Variants in CWH43 observed in about 807,000 individuals in gnomAD.
CWH43 encodes cell wall biogenesis 43 C-terminal homolog.
A neutral mutation model predicts 85.7 loss-of-function variants in CWH43; 91 were observed. The observed-to-expected ratio is 1.06, with a 90% CI of 0.90 to 1.26. The LOEUF is 1.26. Ranked by LOEUF, CWH43 falls within the 50% of genes most tolerant of loss-of-function variation. CWH43 has a pLI of 0.00. For missense variants in CWH43, 869 were observed against 839.2 expected, an observed-to-expected ratio of 1.04 and a Z score of -0.44; for synonymous variants, 323 against 293.6, an observed-to-expected ratio of 1.10 and a Z score of -1.02.
intron 15 of CWH43, among the ~76,000 whole-genome samples, chr4:49,060,843 A>G (rs1201828528): frequency 1.3e-5 from 2 of 152,186 alleles, no homozygotes; most frequent in African/African-American, 4.8e-5. Context: ...ATATATATCT[A>G]TACATCACAC....
intron 8 of CWH43, among the ~76,000 whole-genome samples, chr4:49,016,439 G>A (rs547194703): frequency 1.3e-5 from 2 of 152,148 alleles, no homozygotes; most frequent in African/African-American, 4.8e-5. Flanking sequence ...GCCTTCACTG[G>A]GGCCTAGGGG....
At chr4:49,036,967 C>T (rs1474539670) in intron 12 of CWH43, among the ~76,000 whole-genome samples, 3 of 152,144 alleles carry the variant, frequency 2.0e-5, no homozygotes, top group Admixed American at 6.6e-5. Flanking sequence ...TCTTGTTTTC[C>T]CTGTAGCTGT....
At chr4:49,015,504 C>T (rs1401404359) in intron 8 of CWH43, among the ~76,000 whole-genome samples, 1 of 152,130 alleles carries the variant, frequency 6.6e-6, no homozygotes, top group Non-Finnish European at 1.5e-5. Flanking sequence ...CGTAGTTTCA[C>T]TGTGATATAT....
chr4:48,990,038 CT>C (rs1193107497), intron 2 of CWH43, among the ~76,000 whole-genome samples: 1 of 152,096 alleles, frequency 6.6e-6, no homozygotes, highest in Non-Finnish European at 1.5e-5. Flanking sequence ...TTCTTGTCAC[CT>C]TTGGTGCTGC....
rs1291319728 is a variant in CWH43, at chr4:48,994,840, C to A, written c.713+20C>A. ...ATTTGGGTGAGTTTGGGTTTGGAAG[C>A]AATCACAAAATCGGCAGTTATGCCT... On this transcript the variant is annotated intron_variant, in intron 5 of 15. Coordinates refer to ENST00000226432, the MANE Select transcript of CWH43 (RefSeq NM_025087.3). The A allele has an allele frequency of 1.2e-6, 2 of 1,608,712 alleles. No homozygotes were observed. Among genetic ancestry groups the A allele is most frequent in the South Asian group, 1.1e-5 (1 of 90,944 alleles).
At position 49,003,882 on chromosome 4, in the gene CWH43, C is replaced by T. The variant is rs1364363779; in HGVS notation, c.950C>T (p.Thr317Ile). 2 of 1,613,846 alleles carry T rather than the reference C, an allele frequency of 1.2e-6. No homozygotes were observed. The highest frequency in any genetic ancestry group is 1.1e-5 in the South Asian group (1 of 91,086). Reference sequence around the variant, plus strand: ...GGGACAAACCCTGGGAAAACCATGACCATTGCCATGATATTTTATCTTCTA... The same window carrying T: ...GGGACAAACCCTGGGAAAACCATGATCATTGCCATGATATTTTATCTTCTA... ...NSGTNPGKTM[T>I]IAMIFYLLEI... is the part of the protein sequence containing the mutation. The change falls in exon 7 of 16, where the codon ACC becomes ATC. Residue 317 changes from threonine (T) to isoleucine (I), a missense_variant. Thr to Ile is a moderately conservative substitution (Grantham distance 89, BLOSUM62 -1). Coordinates refer to ENST00000226432, the MANE Select transcript of CWH43 (RefSeq NM_025087.3).
At chr4:49,027,742 T>G (rs1783960126) in intron 9 of CWH43, among the ~76,000 whole-genome samples, 1 of 152,222 alleles carries the variant, frequency 6.6e-6, no homozygotes, top group Non-Finnish European at 1.5e-5. Context: ...TATTATTGAC[T>G]ATAGTCACCT....
intron 15 of CWH43, among the ~76,000 whole-genome samples, chr4:49,057,642 T>A (rs1404541140): frequency 6.6e-6 from 1 of 152,192 alleles, no homozygotes; most frequent in Non-Finnish European, 1.5e-5. Context: ...TGGTCTATAG[T>A]GTTGTTCAAG....
At chr4:49,016,665 TA>T (rs1783557403) in intron 8 of CWH43, 15 of 760,514 alleles carry the variant, frequency 2.0e-5, no homozygotes, top group Non-Finnish European at 3.2e-5. Context: ...GAGGGGCAGT[TA>T]CTGGGCTTCT....
intron 4 of CWH43, among the ~76,000 whole-genome samples, chr4:48,994,112 G>T (rs530268136): frequency 9.2e-5 from 14 of 152,256 alleles, no homozygotes; most frequent in Non-Finnish European, 1.5e-4. Flanking sequence ...ACCTCATAAA[G>T]TTGTGAAAGT....
At chr4:49,033,815 C>T (rs1784178827) in intron 12 of CWH43, among the ~76,000 whole-genome samples, 1 of 152,158 alleles carries the variant, frequency 6.6e-6, no homozygotes. Flanking sequence ...ATATAAAGAG[C>T]TATGTGCTAT....
intron 15 of CWH43, among the ~76,000 whole-genome samples, chr4:49,060,772 A>ATGTT (rs1447149265): frequency 6.6e-6 from 1 of 152,126 alleles, no homozygotes; most frequent in Non-Finnish European, 1.5e-5. Context: ...GTTCAAATGG[A>ATGTT]TGTTTCTACA....
intron 15 of CWH43, among the ~76,000 whole-genome samples, chr4:49,052,245 G>A (rs533646040): frequency 1.3e-5 from 2 of 152,190 alleles, no homozygotes; most frequent in Admixed American, 1.3e-4. Flanking sequence ...AGGAAACCGC[G>A]GGCCTTAGGG....
chr4:49,044,725 C>A, intron 13 of CWH43, 61 bp from the exon 14 acceptor site: 1 of 1,321,022 alleles, frequency 7.6e-7, no homozygotes, highest in Non-Finnish European at 1.1e-6. Flanking sequence ...CATTTTTTGG[C>A]AATGTGGAAT....
Position 48,997,972 on chromosome 4 carries a change from T to C in CWH43, c.714-488T>C, listed in dbSNP as rs567246445. 9.9e-5 allele frequency among the ~76,000 whole-genome samples: 15 copies of C among 152,256 alleles called. No individual in the cohort carries two copies. The East Asian group carries it at 2.9e-3, about 29-fold the overall frequency. On this transcript the variant is annotated intron_variant, in intron 5 of 15. Transcript: ENST00000226432. Reference sequence around the variant, plus strand: ...CTCCTCTTGCAACTTTTTGCCAAAATAGCAACAGAATAAAATAGTTTGTGG... The same window carrying C: ...CTCCTCTTGCAACTTTTTGCCAAAACAGCAACAGAATAAAATAGTTTGTGG...
intron 2 of CWH43, among the ~76,000 whole-genome samples, chr4:48,990,135 T>C (rs1331323532): frequency 2.6e-5 from 4 of 152,206 alleles, no homozygotes; most frequent in Non-Finnish European, 5.9e-5. Flanking sequence ...GCCCAGTAAC[T>C]TCTGGTGATG....
chr4:49,057,863 A>C (rs1785015799), intron 15 of CWH43, among the ~76,000 whole-genome samples: 1 of 152,074 alleles, frequency 6.6e-6, no homozygotes, highest in African/African-American at 2.4e-5. Flanking sequence ...TAGTATAATG[A>C]CCTTCTTTGT....
intron 12 of CWH43, among the ~76,000 whole-genome samples, chr4:49,036,611 T>G (rs1052570851): frequency 6.6e-6 from 1 of 152,236 alleles, no homozygotes; most frequent in Non-Finnish European, 1.5e-5. Flanking sequence ...TACCTTTCTA[T>G]GTAAATACCT....
intron 10 of CWH43, among the ~76,000 whole-genome samples, chr4:49,029,847 C>T (rs1327302043): frequency 6.6e-6 from 1 of 152,218 alleles, no homozygotes; most frequent in Non-Finnish European, 1.5e-5. Context: ...CGTTTTCCTG[C>T]CGACCTTCTC....
Sources: gnomAD v4.1 joint callset for allele counts (sites outside exome capture counted in the v4.1 genomes callset) on GRCh38, gnomAD v4.1.1 for gene constraint, MANE v1.5 for transcripts, NCBI Gene and HGNC (gene_info 2026-07-23, HGNC 2026-07-21) for gene names.